CAST: variants seen among roughly 807,000 people sequenced by gnomAD.
CAST encodes the protein MIR583 host.
A neutral mutation model predicts 119.6 loss-of-function variants in CAST; 76 were observed. The observed-to-expected ratio is 0.64, with a 90% CI of 0.53 to 0.77. CAST has a LOEUF of 0.77. CAST is among the 30% of genes least tolerant of loss of function. CAST has a pLI of 0.00. For synonymous variants in CAST, 319 were observed against 331.6 expected (o/e 0.96, Z 0.41); for missense variants, 953 against 946.5 (o/e 1.01, Z -0.09).
the CAST span, among the ~76,000 whole-genome samples, chr5:95,963,725 C>CT: frequency 0.05 from 6,481 of 129,946 alleles, 293 homozygotes; most frequent in African/African-American, 0.11. Context: ...TTCTCTCTCT[C>CT]TTTTTTTTTT....
chr5:96,396,639 C>T, the CAST span, among the ~76,000 whole-genome samples: 1 of 151,760 alleles, frequency 6.6e-6, no homozygotes, highest in African/African-American at 2.4e-5. Context: ...CAGAAGAACT[C>T]AGAGCCAAAA....
chr5:96,741,806 C>A (rs955621544), intron 15 of CAST: 3 of 450,134 alleles, frequency 6.7e-6, no homozygotes, highest in African/African-American at 2.0e-5. Context: ...TCTCAGTCAT[C>A]ATCTAAGACC....
the CAST span, among the ~76,000 whole-genome samples, chr5:96,440,174 CTT>C: frequency 6.9e-3 from 982 of 143,276 alleles, 6 homozygotes; most frequent in African/African-American, 8.0e-3. Flanking sequence ...TTTATCCCAC[CTT>C]TTTTTTTTTT....
upstream of CAST, among the ~76,000 whole-genome samples, chr5:96,658,241 C>G (rs180787993): frequency 1.0e-3 from 154 of 152,132 alleles, no homozygotes; most frequent in Non-Finnish European, 7.2e-4. Context: ...CACATCATCC[C>G]AAATTTGGTT....
At chr5:96,194,088 C>A in the CAST span, among the ~76,000 whole-genome samples, 7 of 152,178 alleles carry the variant, frequency 4.6e-5, no homozygotes, top group South Asian at 8.3e-4. Context: ...TATGACCATA[C>A]CTAAAAGAAA....
At chr5:96,386,262 A>G in the CAST span, among the ~76,000 whole-genome samples, 1 of 152,194 alleles carries the variant, frequency 6.6e-6, no homozygotes, top group Non-Finnish European at 1.5e-5. Context: ...ACAAAATTAA[A>G]CAATGATTTT....
the CAST span, among the ~76,000 whole-genome samples, chr5:96,374,063 A>G: frequency 6.6e-6 from 1 of 152,312 alleles, no homozygotes; most frequent in African/African-American, 2.4e-5. Flanking sequence ...AACATGTGTA[A>G]AAACATTAAG....
chr5:96,511,127 A>G, the CAST span, among the ~76,000 whole-genome samples: 1 of 152,192 alleles, frequency 6.6e-6, no homozygotes, highest in East Asian at 1.9e-4. Context: ...AAAAACACAT[A>G]CAAAAAAACA....
At chr5:96,331,271 A>G in the CAST span, among the ~76,000 whole-genome samples, 1 of 152,198 alleles carries the variant, frequency 6.6e-6, no homozygotes, top group Non-Finnish European at 1.5e-5. Flanking sequence ...ATCTTTCCTT[A>G]AATGTCAGAT....
chr5:96,287,972 T>G, the CAST span, among the ~76,000 whole-genome samples: 1 of 152,198 alleles, frequency 6.6e-6, no homozygotes, highest in African/African-American at 2.4e-5. Flanking sequence ...GCTTCTGATA[T>G]TTTTCAAGAC....
At chr5:96,541,498 G>A (rs2117144) in intron 1 of CAST, among the ~76,000 whole-genome samples, 1 of 151,360 alleles carries the variant, frequency 6.6e-6, no homozygotes, top group African/African-American at 2.4e-5. Flanking sequence ...ATACATGAAG[G>A]TTTGTTCTTT....
At chr5:96,465,719 A>G in the CAST span, among the ~76,000 whole-genome samples, 45 of 152,232 alleles carry the variant, frequency 3.0e-4, no homozygotes, top group African/African-American at 9.4e-4. Flanking sequence ...TCTTTGTCCA[A>G]TTGAGGATGT....
At chr5:96,362,757 G>A in the CAST span, among the ~76,000 whole-genome samples, 2 of 152,124 alleles carry the variant, frequency 1.3e-5, no homozygotes, top group Non-Finnish European at 2.9e-5. Flanking sequence ...TGAGTAGATT[G>A]CAAAAATTGT....
At chr5:96,171,661 C>T in the CAST span, among the ~76,000 whole-genome samples, 1 of 152,310 alleles carries the variant, frequency 6.6e-6, no homozygotes, top group African/African-American at 2.4e-5. Flanking sequence ...AATGTGTCTC[C>T]TTTGTCTTTA....
At chr5:96,119,858 CA>C in the CAST span, among the ~76,000 whole-genome samples, 1 of 152,084 alleles carries the variant, frequency 6.6e-6, no homozygotes, top group African/African-American at 2.4e-5. Context: ...GCCTTTCAAG[CA>C]AAAACTTTGT....
chr5:96,396,495 A>T, the CAST span, among the ~76,000 whole-genome samples: 1 of 150,102 alleles, frequency 6.7e-6, no homozygotes, highest in Non-Finnish European at 1.5e-5. Context: ...CAGGAGGCAG[A>T]GGTTGCAGTG....
chr5:96,757,460 C>G lies in CAST; in HGVS notation c.1727C>G (p.Pro576Arg). 6.2e-7 allele frequency: 1 copy of G among 1,614,010 alleles called. No individual in the cohort carries two copies. The highest frequency in any genetic ancestry group is 8.5e-7 in the Non-Finnish European group (1 of 1,179,920). ...CCCGGATAGGATAAAGATGGAAAGC[C>G]ACTCCTGCCAAAAGAGTCTAAGGAA... is the stretch of plus-strand genomic sequence containing the variant. ...LEEVKDKDGK[P>R]LLPKESKEQL... The change falls in exon 23 of 32, where the codon CCA (proline) becomes CGA (arginine). Residue 576 changes from proline to arginine, a missense_variant. Pro to Arg is a moderately radical substitution (Grantham distance 103). Coordinates refer to ENST00000675179, the MANE Select transcript of CAST (RefSeq NM_001750.7).
chr5:96,649,160 T>A (rs1748060378), intron 1 of CAST, among the ~76,000 whole-genome samples: 1 of 152,210 alleles, frequency 6.6e-6, no homozygotes, highest in Non-Finnish European at 1.5e-5. Context: ...GCCAAAAGAA[T>A]TTAAAATTAA....
chr5:96,087,747 C>T, the CAST span, among the ~76,000 whole-genome samples: 1 of 152,180 alleles, frequency 6.6e-6, no homozygotes, highest in Non-Finnish European at 1.5e-5. Flanking sequence ...AGGAGTAGAG[C>T]TAACGATGGC....
Sources: allele counts gnomAD v4.1 joint callset (sites outside exome capture counted in the v4.1 genomes callset), GRCh38; gene constraint gnomAD v4.1.1; transcripts MANE v1.5; gene names NCBI Gene and HGNC (gene_info 2026-07-23, HGNC 2026-07-21).